Variants in RFX2 observed in about 807,000 individuals in gnomAD.
RFX2 encodes DNA-binding protein RFX2.
RFX2 carries 20 observed loss-of-function variants against 87.8 expected under a neutral mutation model. That is an observed-to-expected ratio of 0.23 (90% CI 0.16 to 0.33). RFX2 has a LOEUF of 0.33. Ranked by LOEUF, RFX2 falls within the 10% of genes least tolerant of loss-of-function variation. The probability of loss-of-function intolerance (pLI) is 1.00; values close to 1 mark genes in which losing one functional copy is unlikely to be tolerated. For missense variants in RFX2, 767 were observed against 1,012.3 expected (o/e 0.76, Z 3.29); for synonymous variants, 397 against 431.3 (o/e 0.92, Z 0.98).
In RFX2 at chr19:6,027,543, G is replaced by A. The variant is rs1444667164; in HGVS notation, c.523-1306C>T. ...AGTACTGCCCTGTGGCACCTTCCCT[G>A]TGGGACATCGCTCACCTATGGGTGC... On this transcript the variant is annotated intron_variant, in intron 5 of 17. Coordinates refer to ENST00000303657, the MANE Select transcript of RFX2 (RefSeq NM_000635.4). The surrounding 1 kb of genome is among the most constrained non-coding windows in gnomAD (Gnocchi z 5.0). Among the ~76,000 whole-genome samples, 2 of 152,204 alleles carry A rather than the reference G, an allele frequency of 1.3e-5. No individual in the cohort carries two copies. Among genetic ancestry groups the A allele is most frequent in the African/African-American group, 4.8e-5 (2 of 41,446 alleles).
chr19:6,052,532 A>G (rs2087280157), intron 1 of RFX2, among the ~76,000 whole-genome samples: 1 of 152,238 alleles, frequency 6.6e-6, no homozygotes, highest in South Asian at 2.1e-4. Context: ...TCTGAATTAT[A>G]TTATCAACCA....
intron 1 of RFX2, among the ~76,000 whole-genome samples, chr19:6,070,597 T>C (rs2144832388): frequency 6.6e-6 from 1 of 152,236 alleles, no homozygotes; most frequent in East Asian, 1.9e-4. Flanking sequence ...TAGTCACATA[T>C]GGGCTCCATG....
In RFX2 at chr19:6,040,454, A is replaced by G. The variant is rs1320232416; in HGVS notation, c.261-213T>C. 6.6e-6 allele frequency among the ~76,000 whole-genome samples: 1 copy of G among 152,208 alleles called. No homozygotes were observed. The highest frequency in any genetic ancestry group is 2.4e-5 in the African/African-American group (1 of 41,448). On this transcript the variant is annotated intron_variant, in intron 4 of 17. Coordinates refer to ENST00000303657, the MANE Select transcript of RFX2 (RefSeq NM_000635.4). This position sits in a 1 kb window ranked among gnomAD's most constrained non-coding sequence, Gnocchi z 6.1. ...TTTAGGACCACAGGCTGACTTATCA[A>G]AAAGTGACCACTTAAAAATTCTAGG...
Position 6,101,324 on chromosome 19 carries a change from T to G in RFX2, c.-9+9069A>C, listed in dbSNP as rs2088123813. Among the ~76,000 whole-genome samples, 1 of 152,220 alleles carries G rather than the reference T, an allele frequency of 6.6e-6. No homozygotes were observed. The highest frequency in any genetic ancestry group is 1.5e-5 in the Non-Finnish European group (1 of 68,040). On this transcript the variant is annotated intron_variant, in intron 1 of 17. Coordinates refer to ENST00000303657, the MANE Select transcript of RFX2 (RefSeq NM_000635.4). The surrounding 1 kb of genome is among the most constrained non-coding windows in gnomAD (Gnocchi z 4.9). ...TCTGGAATTCCAAATATATTTTTTC[T>G]CAAGGCAGGCTACATCTGTCTGTAT...
In RFX2 at chr19:6,012,591, G is replaced by A. The variant is rs939714365; in HGVS notation, c.899+395C>T. On this transcript the variant is annotated intron_variant, in intron 8 of 17. Transcript: ENST00000303657. This position sits in a 1 kb window ranked among gnomAD's most constrained non-coding sequence, Gnocchi z 4.6. ...GACTCTGGGGGGTGATGCTGGCTCCGCGGAGGGTCACGGGTCATGAGCAAT... is the reference window on the plus strand; with the variant it reads ...GACTCTGGGGGGTGATGCTGGCTCCACGGAGGGTCACGGGTCATGAGCAAT... 2.6e-4 allele frequency among the ~76,000 whole-genome samples: 40 copies of A among 152,214 alleles called. 1 individual carries two copies. Among genetic ancestry groups the A allele is most frequent in the South Asian group, 1.9e-3 (9 of 4,814 alleles).
Position 6,056,477 on chromosome 19 carries a change from G to C in RFX2, c.-8-8973C>G, listed in dbSNP as rs1045526952. Among the ~76,000 whole-genome samples the C allele has an allele frequency of 6.6e-6, 1 of 152,190 alleles. No homozygotes were observed. The highest frequency in any genetic ancestry group is 2.4e-5 in the African/African-American group (1 of 41,446). ...GGTCCTCCCAGAAGGGGTGATGCTG[G>C]ATCCTGAGTAACTCCTCCACCTGGC... On this transcript the variant is annotated intron_variant, in intron 1 of 17. Coordinates refer to ENST00000303657, the MANE Select transcript of RFX2 (RefSeq NM_000635.4). The surrounding 1 kb of genome is among the most constrained non-coding windows in gnomAD (Gnocchi z 4.6).
At position 6,023,972 on chromosome 19, in the gene RFX2, G is replaced by A. The variant is rs562638981; in HGVS notation, c.597+2191C>T. 6.6e-6 allele frequency among the ~76,000 whole-genome samples: 1 copy of A among 152,202 alleles called. No individual in the cohort carries two copies. Among genetic ancestry groups the A allele is most frequent in the African/African-American group, 2.4e-5 (1 of 41,518 alleles). ...TATTTGTATTTTTGGTAGAGATGGG[G>A]TTTCGTCATGTTGGTCAGGCTGGTC... On this transcript the variant is annotated intron_variant, in intron 6 of 17. Coordinates refer to ENST00000303657, the MANE Select transcript of RFX2 (RefSeq NM_000635.4). This position sits in a 1 kb window ranked among gnomAD's most constrained non-coding sequence, Gnocchi z 4.9.
At chr19:6,085,303 G>A (rs1425897500) in intron 1 of RFX2, among the ~76,000 whole-genome samples, 1 of 152,086 alleles carries the variant, frequency 6.6e-6, no homozygotes, top group Non-Finnish European at 1.5e-5. Flanking sequence ...CTTCTTTTGG[G>A]TAACAGTCAT....
At chr19:6,104,326 T>G (rs2088174869) in intron 1 of RFX2, among the ~76,000 whole-genome samples, 1 of 151,942 alleles carries the variant, frequency 6.6e-6, no homozygotes, top group Admixed American at 6.6e-5. Flanking sequence ...TCCCAGCACT[T>G]TGGGAGGCTG....
chr19:6,098,540 C>G (rs2088062343), intron 1 of RFX2, among the ~76,000 whole-genome samples: 1 of 152,166 alleles, frequency 6.6e-6, no homozygotes, highest in Non-Finnish European at 1.5e-5. Context: ...CTACCATTTA[C>G]TATTTTTCTT....
At chr19:6,053,702 C>A (rs1404206193) in intron 1 of RFX2, among the ~76,000 whole-genome samples, 1 of 152,106 alleles carries the variant, frequency 6.6e-6, no homozygotes. Context: ...TGCCTGTAAT[C>A]CCAGCACTTT....
Position 6,083,404 on chromosome 19 carries a change from T to C in RFX2, c.-9+26989A>G, listed in dbSNP as rs2087812292. On this transcript the variant is annotated intron_variant, in intron 1 of 17. Coordinates refer to ENST00000303657, the MANE Select transcript of RFX2 (RefSeq NM_000635.4). This position sits in a 1 kb window ranked among gnomAD's most constrained non-coding sequence, Gnocchi z 4.6. ...AATCTTTATTTATGGACACTGAAAT[T>C]TAATTTCATATCATTTTCATGTGTC... Among the ~76,000 whole-genome samples the C allele has an allele frequency of 6.6e-6, 1 of 152,184 alleles. No individual in the cohort carries two copies. The highest frequency in any genetic ancestry group is 1.5e-5 in the Non-Finnish European group (1 of 68,038).
chr19:6,002,850 G>A lies in RFX2; in HGVS notation c.1521C>T (p.Phe507=), dbSNP rs752702237. The change falls in exon 14 of 18, where the codon TTC becomes TTT. Residue 507 remains phenylalanine (F), a synonymous_variant. Coordinates refer to ENST00000303657, the MANE Select transcript of RFX2 (RefSeq NM_000635.4). This position sits in a 1 kb window ranked among gnomAD's most constrained non-coding sequence, Gnocchi z 6.7. ...IQTKVGVVSA[F]AQTLRRYTSL... ...ACGTGTAGCGCCGCAGCGTCTGGGC[G>A]AAGGCACTGACGACGCCCACCTGTA... 8.7e-6 allele frequency: 14 copies of A among 1,610,176 alleles called. No homozygotes were observed. The highest frequency in any genetic ancestry group is 4.5e-5 in the East Asian group (2 of 44,828).
chr19:6,076,811 T>G (rs2087699338), intron 1 of RFX2, among the ~76,000 whole-genome samples: 1 of 152,260 alleles, frequency 6.6e-6, no homozygotes, highest in Admixed American at 6.5e-5. Context: ...GTGATGTTGC[T>G]AAGCCCTTTA....
chr19:6,023,908 T>C lies in RFX2; in HGVS notation c.597+2255A>G, dbSNP rs1448919773. On this transcript the variant is annotated intron_variant, in intron 6 of 17. Coordinates refer to ENST00000303657, the MANE Select transcript of RFX2 (RefSeq NM_000635.4). The surrounding 1 kb of genome is among the most constrained non-coding windows in gnomAD (Gnocchi z 4.9). ...GATTCTCCTGTCTCAGCCTCCAGAGTAGCTGGGACTACAGGCATGTGCCAC... is the reference window on the plus strand; with the variant it reads ...GATTCTCCTGTCTCAGCCTCCAGAGCAGCTGGGACTACAGGCATGTGCCAC... 6.6e-6 allele frequency among the ~76,000 whole-genome samples: 1 copy of C among 151,902 alleles called. No homozygotes were observed. Among genetic ancestry groups the C allele is most frequent in the Non-Finnish European group, 1.5e-5 (1 of 67,988 alleles).
In RFX2 at chr19:6,069,363, A is replaced by G. The variant is rs187681057; in HGVS notation, c.-8-21859T>C. Among the ~76,000 whole-genome samples, 189 of 152,288 alleles carry G rather than the reference A, an allele frequency of 1.2e-3. 1 individual carries two copies. Among genetic ancestry groups the G allele is most frequent in the African/African-American group, 4.3e-3 (179 of 41,538 alleles). On this transcript the variant is annotated intron_variant, in intron 1 of 17. Coordinates refer to ENST00000303657, the MANE Select transcript of RFX2 (RefSeq NM_000635.4). ...GGATGTGGGCTGAAGCCATCAGTGT[A>G]TAGAGAACATGGGATGGGGCCATCA...
chr19:6,054,024 A>G (rs1157979116), intron 1 of RFX2, among the ~76,000 whole-genome samples: 1 of 151,808 alleles, frequency 6.6e-6, no homozygotes, highest in Non-Finnish European at 1.5e-5. Flanking sequence ...GGAAAGACTG[A>G]TAAGAAAAGA....
Position 6,083,457 on chromosome 19 carries a change from A to G in RFX2, c.-9+26936T>C, listed in dbSNP as rs1346857937. Among the ~76,000 whole-genome samples, 1 of 151,952 alleles carries G rather than the reference A, an allele frequency of 6.6e-6. No homozygotes were observed. The highest frequency in any genetic ancestry group is 1.5e-5 in the Non-Finnish European group (1 of 68,026). The stretch of plus-strand genomic sequence containing the variant: ...AAAATATTTTGTCTTGTTTCCAATC[A>G]TTTAAAAACGCAAAAAATATTCTCA... On this transcript the variant is annotated intron_variant, in intron 1 of 17. Coordinates refer to ENST00000303657, the MANE Select transcript of RFX2 (RefSeq NM_000635.4). The surrounding 1 kb of genome is among the most constrained non-coding windows in gnomAD (Gnocchi z 4.6).
chr19:6,076,160 C>T (rs1332166245), intron 1 of RFX2, among the ~76,000 whole-genome samples: 4 of 151,960 alleles, frequency 2.6e-5, no homozygotes, highest in South Asian at 4.1e-4. Context: ...GCCAACATGG[C>T]GAAACCCCAT....
Sources: allele counts gnomAD v4.1 joint callset (sites outside exome capture counted in the v4.1 genomes callset), GRCh38; gene constraint gnomAD v4.1.1; non-coding constraint Gnocchi (gnomAD v3.1); transcripts MANE v1.5; gene names NCBI Gene and HGNC (gene_info 2026-07-23, HGNC 2026-07-21).